The following BTN1A1 variants were observed in gnomAD, a reference collection of about 807,000 sequenced individuals.
BTN1A1 encodes bK14H9.2 (butyrophilin, subfamily 1, member A1).
Under a neutral mutation model 33.1 loss-of-function variants are expected in BTN1A1, and 26 were observed. The observed-to-expected ratio is 0.79, with a 90% confidence interval of 0.58 to 1.09. The LOEUF (loss-of-function observed/expected upper bound fraction) is 1.09, where lower values mean the gene tolerates loss of function less well. Among genes scored for constraint, BTN1A1 ranks in the 50% least tolerant of loss-of-function variants. The pLI, the probability that BTN1A1 is intolerant of heterozygous loss-of-function variation, is 0.00. For missense variants in BTN1A1, 558 were observed against 655.7 expected (o/e 0.85, Z 1.63); for synonymous variants, 235 against 256.2 (o/e 0.92, Z 0.79).
chr6:26,501,824 G>C lies in BTN1A1; in HGVS notation c.314G>C (p.Gly105Ala), dbSNP rs760648072. The part of the protein sequence containing the change: ...ATLVQDGIAK[G>A]RVALRIRGVR... ...CTGGTCCAGGACGGCATCGCCAAGGGGCGCGTGGCCTTGAGGATCCGTGGC... is the reference window on the plus strand; with the variant it reads ...CTGGTCCAGGACGGCATCGCCAAGGCGCGCGTGGCCTTGAGGATCCGTGGC... Residue 105 changes from glycine to alanine, a missense_variant, in exon 3 of 8, where the codon GGG becomes GCG. By Grantham distance (60) the Gly-to-Ala change is moderately conservative (BLOSUM62 0). Coordinates refer to ENST00000684113, the MANE Select transcript of BTN1A1 (RefSeq NM_001732.3). The surrounding 1 kb of genome is among the most constrained non-coding windows in gnomAD (Gnocchi z 5.2). 454 of 1,612,656 alleles carry C rather than the reference G, an allele frequency of 2.8e-4. No individual in the cohort carries two copies. Among genetic ancestry groups the C allele is most frequent in the South Asian group, 6.2e-4 (56 of 90,998 alleles).
rs765393908 is a variant in BTN1A1 at position 26,505,071 on chromosome 6, A to G, written c.574A>G (p.Arg192Gly). 6.2e-7 allele frequency: 1 copy of G among 1,614,152 alleles called. No individual in the cohort carries two copies. The highest frequency in any genetic ancestry group is 2.2e-5 in the East Asian group (1 of 44,896). ...GAAGTTTCCATCTACATCAGAGTCC[A>G]GGAATCCTGATGAAGAAGGTTTGTT... is the stretch of plus-strand genomic sequence containing the variant. ...GEKFPSTSES[R>G]NPDEEGLFTV... Residue 192 changes from arginine to glycine, a missense_variant, in exon 4 of 8, where the codon AGG becomes GGG. Transcript: ENST00000684113.
Position 26,508,951 on chromosome 6 carries a change from C to T in BTN1A1, c.1358C>T (p.Ser453Phe). The change falls in exon 8 of 8, where the codon TCT becomes TTT. Residue 453 changes from serine (S) to phenylalanine (F), a missense_variant. By Grantham distance (155) the Ser-to-Phe change is radical. Transcript: ENST00000684113. ...TATACTTTCTCCAATGTCACTTTCT[C>T]TGGCCCCCTCCGGCCCTTCTTTTGC... is the stretch of plus-strand genomic sequence containing the variant. ...DIYTFSNVTFSGPLRPFFCLW... is the reference protein window; with the variant it reads ...DIYTFSNVTFFGPLRPFFCLW... The T allele has an allele frequency of 6.2e-7, 1 of 1,614,222 alleles. No individual in the cohort carries two copies.
chr6:26,506,860 G>C, intron 5 of BTN1A1, 28 bp downstream of exon 5: 1 of 1,611,594 alleles, frequency 6.2e-7, no homozygotes, highest in South Asian at 1.1e-5. Flanking sequence ...CAAGGGCTAC[G>C]TGTCAGGAGT....
At chr6:26,507,104 C>T (rs187293236) in intron 5 of BTN1A1, among the ~76,000 whole-genome samples, 40 of 152,230 alleles carry the variant, frequency 2.6e-4, no homozygotes, top group South Asian at 6.2e-4. Flanking sequence ...GCCTGTAATC[C>T]CAGCTACTCG....
chr6:26,504,556 C>T (rs545095968), intron 3 of BTN1A1, among the ~76,000 whole-genome samples: 4 of 151,986 alleles, frequency 2.6e-5, no homozygotes, highest in Middle Eastern at 3.4e-3. Flanking sequence ...GGTGCCATCA[C>T]AGCTCACTGC....
chr6:26,500,671 C>T (rs572937026), intron 1 of BTN1A1, among the ~76,000 whole-genome samples: 2 of 152,290 alleles, frequency 1.3e-5, no homozygotes, highest in East Asian at 3.9e-4. Context: ...AATCCCAGCA[C>T]TTTGGGAGGC....
rs767978986 is a variant in BTN1A1, at chr6:26,509,116, A to C, written c.1523A>C (p.Asp508Ala). 6.2e-7 allele frequency: 1 copy of C among 1,613,904 alleles called. No homozygotes were observed. The highest frequency in any genetic ancestry group is 1.1e-5 in the South Asian group (1 of 91,060). The part of the protein sequence containing the change: ...SPMGEDSAPR[D>A]ADTLHSKLIP... The stretch of plus-strand genomic sequence containing the variant: ...ATGGGGGAGGACTCTGCCCCTAGGG[A>C]TGCAGACACTCTCCATTCTAAGCTA... Residue 508 changes from aspartate (D) to alanine (A), a missense_variant, in exon 8 of 8, where the codon GAT becomes GCT. By Grantham distance (126) the Asp-to-Ala change is moderately radical. Coordinates refer to ENST00000684113, the MANE Select transcript of BTN1A1 (RefSeq NM_001732.3).
intron 3 of BTN1A1, among the ~76,000 whole-genome samples, chr6:26,502,857 C>CT (rs1763821427): frequency 6.6e-6 from 1 of 152,046 alleles, no homozygotes; most frequent in African/African-American, 2.4e-5. Flanking sequence ...TTCTTGTTCC[C>CT]TTTTTTGCTT....
At chr6:26,500,795 G>T (rs1467075038) in intron 1 of BTN1A1, among the ~76,000 whole-genome samples, 1 of 152,040 alleles carries the variant, frequency 6.6e-6, no homozygotes, top group Non-Finnish European at 1.5e-5. Context: ...CGCGCCTGTA[G>T]TCCCAGCTAC....
intron 5 of BTN1A1, among the ~76,000 whole-genome samples, 166 bp downstream of exon 5, chr6:26,506,998 A>G (rs1763879221): frequency 1.3e-5 from 2 of 152,284 alleles, no homozygotes; most frequent in Admixed American, 1.3e-4. Context: ...AGGTAGGTGG[A>G]TCATCTGAGG....
At position 26,509,017 on chromosome 6, in the gene BTN1A1, T is replaced by C. The variant is rs752290043; in HGVS notation, c.1424T>C (p.Ile475Thr). ...AAAAAGCCCCTGACCATCTGCCCAA[T>C]TGCTGATGGGCCTGAGAGGGTCACA... ...SGKKPLTICPIADGPERVTVI... is the reference protein window; with the variant it reads ...SGKKPLTICPTADGPERVTVI... The change falls in exon 8 of 8, where the codon ATT becomes ACT. Residue 475 changes from isoleucine (I) to threonine (T), a missense_variant. Ile to Thr is a moderately conservative substitution (Grantham distance 89). Transcript: ENST00000684113. 1 of 1,614,228 alleles carries C rather than the reference T, an allele frequency of 6.2e-7. No homozygotes were observed. The highest frequency in any genetic ancestry group is 8.5e-7 in the Non-Finnish European group (1 of 1,180,042).
Position 26,509,004 on chromosome 6 carries a change from ACC to A in BTN1A1, c.1412_1413del (p.Thr471AsnfsTer6), listed in dbSNP as rs1460668036. 1.2e-6 allele frequency: 2 copies of A among 1,614,164 alleles called. No individual in the cohort carries two copies. Among genetic ancestry groups the A allele is most frequent in the South Asian group, 2.2e-5 (2 of 91,080 alleles). On this transcript the variant is annotated frameshift_variant, in exon 8 of 8. Transcript: ENST00000684113. LOFTEE classifies it low-confidence loss of function (END_TRUNC). ...ATGGTCTAGCGGTAAAAAGCCCCTGACCATCTGCCCAATTGCTGATGGGCCTG... is the reference window on the plus strand; with the variant it reads ...ATGGTCTAGCGGTAAAAAGCCCCTGAATCTGCCCAATTGCTGATGGGCCTG... ...CLWSSGKKPL[T>X]ICPIADGPER...
In BTN1A1 at chr6:26,505,091, T is replaced by C; in HGVS notation, c.594T>C (p.Gly198=). 6.2e-7 allele frequency: 1 copy of C among 1,614,210 alleles called. No homozygotes were observed. Among genetic ancestry groups the C allele is most frequent in the Non-Finnish European group, 8.5e-7 (1 of 1,180,034 alleles). ...AGTCCAGGAATCCTGATGAAGAAGG[T>C]TTGTTCACTGTGGCTGCTTCAGTGA... is the stretch of plus-strand genomic sequence containing the variant. ...TSESRNPDEE[G]LFTVAASVII... The change falls in exon 4 of 8, where the codon GGT becomes GGC. Residue 198 remains glycine, a synonymous_variant. Transcript: ENST00000684113.
chr6:26,507,243 T>G (rs1763882729), intron 5 of BTN1A1, among the ~76,000 whole-genome samples: 1 of 152,080 alleles, frequency 6.6e-6, no homozygotes, highest in Admixed American at 6.6e-5. Flanking sequence ...AGATACTTGA[T>G]TCTAGAATTC....
chr6:26,501,176 G>C lies in BTN1A1; in HGVS notation c.-57-54G>C, dbSNP rs1042609974. The C allele has an allele frequency of 4.4e-5, 40 of 912,956 alleles. No individual in the cohort carries two copies. The African/African-American group carries it at 6.3e-4, about 14-fold the overall frequency. 56.6% of individuals were successfully genotyped at this position (912,956 alleles called of 1,614,324 possible). On this transcript the variant is annotated intron_variant, in intron 1 of 7. Coordinates refer to ENST00000684113, the MANE Select transcript of BTN1A1 (RefSeq NM_001732.3). This position sits in a 1 kb window ranked among gnomAD's most constrained non-coding sequence, Gnocchi z 5.2. The stretch of plus-strand genomic sequence containing the variant: ...GGAAAGAACTGTAGAGAGGACTTTG[G>C]AAAGCGGAGGGTTGACAGAGCCGGT...
At chr6:26,506,590 C>T in intron 4 of BTN1A1, 93 bp from the exon 5 acceptor site, 4 of 1,360,106 alleles carry the variant, frequency 2.9e-6, no homozygotes, top group Non-Finnish European at 4.1e-6. Flanking sequence ...TGGTCCAGGC[C>T]ATCACCTCTT....
intron 3 of BTN1A1, among the ~76,000 whole-genome samples, chr6:26,503,408 C>A (rs1050167276): frequency 6.6e-6 from 1 of 150,436 alleles, no homozygotes; most frequent in Non-Finnish European, 1.5e-5. Context: ...GCAGAGGTTG[C>A]AGTGAGCTGA....
rs1042319833 is a variant in BTN1A1, at chr6:26,506,737, T to C, written c.764T>C (p.Met255Thr). Reference protein sequence around the residue: ...PWIVAVAVILMVLGLLTIGSI... With the variant: ...PWIVAVAVILTVLGLLTIGSI... ...ATAGTGGCTGTGGCTGTCATCCTGA[T>C]GGTTCTAGGACTTCTCACCATTGGG... The change falls in exon 5 of 8, where the codon ATG becomes ACG. Residue 255 changes from methionine to threonine, a missense_variant. Coordinates refer to ENST00000684113, the MANE Select transcript of BTN1A1 (RefSeq NM_001732.3). 3 of 1,614,000 alleles carry C rather than the reference T, an allele frequency of 1.9e-6. No individual in the cohort carries two copies. Among genetic ancestry groups the C allele is most frequent in the Admixed American group, 1.7e-5 (1 of 59,990 alleles).
intron 3 of BTN1A1, among the ~76,000 whole-genome samples, chr6:26,502,810 G>A (rs925718228): frequency 6.6e-6 from 1 of 152,130 alleles, no homozygotes; most frequent in African/African-American, 2.4e-5. Flanking sequence ...GAGCATGGCG[G>A]TTTGTCACAT....
Sources: gnomAD v4.1 joint callset for allele counts (sites outside exome capture counted in the v4.1 genomes callset) on GRCh38, gnomAD v4.1.1 for gene constraint, Gnocchi (gnomAD v3.1) non-coding constraint, MANE v1.5 for transcripts, NCBI Gene and HGNC (gene_info 2026-07-23, HGNC 2026-07-21) for gene names.